Variants in NTM observed in about 807,000 individuals in gnomAD.
The protein encoded by NTM is IgLON family member 2.
NTM carries 13 observed loss-of-function variants against 42.1 expected under a neutral mutation model. The observed-to-expected ratio is 0.31, with a 90% CI of 0.20 to 0.49. NTM has a LOEUF of 0.49. Ranked by LOEUF, NTM falls within the 20% of genes least tolerant of loss-of-function variation. NTM has a pLI of 0.99. For missense variants in NTM, 373 were observed against 452.8 expected, an observed-to-expected ratio of 0.82 and a Z score of 1.60; for synonymous variants, 187 against 179.2, an observed-to-expected ratio of 1.04 and a Z score of -0.35.
intron 3 of NTM, among the ~76,000 whole-genome samples, chr11:132,185,053 T>G (rs559837676): frequency 6.6e-6 from 1 of 152,318 alleles, no homozygotes; most frequent in African/African-American, 2.4e-5. Context: ...TGATCTGTTA[T>G]TATCCCACTT....
At chr11:131,522,346 A>G (rs990354093) in intron 1 of NTM, among the ~76,000 whole-genome samples, 2 of 40,184 alleles carry the variant, frequency 5.0e-5, no homozygotes, top group African/African-American at 2.3e-4. Flanking sequence ...CAGTATTTGC[A>G]GAACAACAAG....
chr11:131,386,890 G>A (rs1168532851), intron 1 of NTM, among the ~76,000 whole-genome samples: 1 of 151,856 alleles, frequency 6.6e-6, no homozygotes, highest in Non-Finnish European at 1.5e-5. Context: ...TACCATTTAG[G>A]GCCATCTCCC....
At chr11:131,462,927 A>G (rs1303903546) in intron 1 of NTM, among the ~76,000 whole-genome samples, 1 of 151,916 alleles carries the variant, frequency 6.6e-6, no homozygotes, top group Admixed American at 6.6e-5. Flanking sequence ...ACCTGGAACT[A>G]GGAAGGGTCA....
chr11:131,658,144 C>T (rs1208234095), intron 1 of NTM, among the ~76,000 whole-genome samples: 1 of 152,110 alleles, frequency 6.6e-6, no homozygotes, highest in African/African-American at 2.4e-5. Flanking sequence ...TCAGTCTCTC[C>T]CAGGGCTAGG....
At chr11:131,813,908 C>T (rs1429796575) in intron 1 of NTM, among the ~76,000 whole-genome samples, 2 of 152,154 alleles carry the variant, frequency 1.3e-5, no homozygotes, top group East Asian at 1.9e-4. Context: ...TCATTCGTAA[C>T]AGTGCCTACT....
intron 1 of NTM, among the ~76,000 whole-genome samples, chr11:131,482,661 C>T (rs1223551546): frequency 6.6e-6 from 1 of 152,184 alleles, no homozygotes; most frequent in Non-Finnish European, 1.5e-5. Context: ...TTATCCTTTC[C>T]CTATACCTCC....
chr11:131,839,192 C>A (rs1199078610), intron 1 of NTM, among the ~76,000 whole-genome samples: 6 of 152,206 alleles, frequency 3.9e-5, no homozygotes, highest in South Asian at 2.1e-4. Flanking sequence ...GAACTCCTGA[C>A]CTCAGGTGAT....
intron 4 of NTM, among the ~76,000 whole-genome samples, chr11:132,276,775 A>G (rs2093742076): frequency 6.6e-6 from 1 of 152,124 alleles, no homozygotes. Context: ...AGAAGCCTGT[A>G]TATGGGTTCC....
rs546735412 is a variant in NTM at position 131,611,692 on chromosome 11, T to G, written c.82+240804T>G. ...CGGAACTAATGAGAAAGTAGAGGCA[T>G]TAGGAAGGAAGACCTCGTGCTGGAA... is the stretch of plus-strand genomic sequence containing the variant. On this transcript the variant is annotated intron_variant, in intron 1 of 8. Coordinates refer to ENST00000683400, the MANE Select transcript of NTM (RefSeq NM_001352005.2). Among the ~76,000 whole-genome samples, 396 of 152,230 alleles carry G rather than the reference T, an allele frequency of 2.6e-3. 3 individuals are homozygous for G. The highest frequency in any genetic ancestry group is 9.3e-3 in the African/African-American group (388 of 41,542).
chr11:131,957,221 G>T (rs1283608420), intron 2 of NTM, among the ~76,000 whole-genome samples: 1 of 152,112 alleles, frequency 6.6e-6, no homozygotes, highest in East Asian at 1.9e-4. Flanking sequence ...CCAGATAATT[G>T]TAACATATAT....
At chr11:131,702,966 A>T (rs984782781) in intron 1 of NTM, among the ~76,000 whole-genome samples, 1 of 152,244 alleles carries the variant, frequency 6.6e-6, no homozygotes, top group Non-Finnish European at 1.5e-5. Context: ...GAATATGACA[A>T]TCTGAGAAAT....
intron 1 of NTM, among the ~76,000 whole-genome samples, chr11:131,788,755 C>T (rs1285053204): frequency 6.6e-6 from 1 of 152,148 alleles, no homozygotes; most frequent in East Asian, 1.9e-4. Context: ...GCTTCTCCCA[C>T]TTTCTTTTCT....
chr11:131,497,333 C>T (rs1591832090), intron 1 of NTM, among the ~76,000 whole-genome samples: 1 of 152,032 alleles, frequency 6.6e-6, no homozygotes, highest in East Asian at 1.9e-4. Context: ...GGATTACAGG[C>T]TCCTGCCACC....
intron 1 of NTM, among the ~76,000 whole-genome samples, chr11:131,559,910 G>A (rs2056003312): frequency 6.6e-6 from 1 of 152,144 alleles, no homozygotes; most frequent in African/African-American, 2.4e-5. Context: ...AAGGTGGGTG[G>A]GAAATGCAGT....
At chr11:131,569,784 T>C (rs1206488614) in intron 1 of NTM, among the ~76,000 whole-genome samples, 4 of 152,182 alleles carry the variant, frequency 2.6e-5, no homozygotes, top group Admixed American at 2.6e-4. Flanking sequence ...TCTTGCTACA[T>C]TGCTCAAGCT....
chr11:131,863,946 C>G (rs2046885480), intron 1 of NTM, among the ~76,000 whole-genome samples: 1 of 152,114 alleles, frequency 6.6e-6, no homozygotes, highest in Non-Finnish European at 1.5e-5. Context: ...TCAGATAAAC[C>G]AGAGCAGGCC....
intron 1 of NTM, among the ~76,000 whole-genome samples, chr11:131,817,221 G>T (rs528135553): frequency 1.3e-5 from 2 of 152,234 alleles, no homozygotes; most frequent in South Asian, 2.1e-4. Context: ...TCCCTAAAAG[G>T]CTCAAGCATA....
At position 132,159,251 on chromosome 11, in the gene NTM, C is replaced by T. The variant is rs189114435; in HGVS notation, c.400+12737C>T. 7.9e-4 allele frequency among the ~76,000 whole-genome samples: 121 copies of T among 152,288 alleles called. 1 individual carries two copies. Among genetic ancestry groups the T allele is most frequent in the Admixed American group, 5.7e-3 (88 of 15,308 alleles). Reference sequence around the variant, plus strand: ...GATCCATGGCCAGAGGGCACATATACAGGAAGAGTGGAAGGGGTCCCGTGG... The same window carrying T: ...GATCCATGGCCAGAGGGCACATATATAGGAAGAGTGGAAGGGGTCCCGTGG... On this transcript the variant is annotated intron_variant, in intron 3 of 8. Coordinates refer to ENST00000683400, the MANE Select transcript of NTM (RefSeq NM_001352005.2).
intron 2 of NTM, among the ~76,000 whole-genome samples, chr11:132,059,699 C>G (rs1461224765): frequency 6.6e-6 from 1 of 152,104 alleles, no homozygotes; most frequent in African/African-American, 2.4e-5. Flanking sequence ...ATGGACTCCA[C>G]TTGAGAGCCC....
Sources: gnomAD v4.1 joint callset for allele counts (sites outside exome capture counted in the v4.1 genomes callset) on GRCh38, gnomAD v4.1.1 for gene constraint, MANE v1.5 for transcripts, NCBI Gene and HGNC (gene_info 2026-07-23, HGNC 2026-07-21) for gene names.